Variants in SCHIP1 observed in about 807,000 individuals in gnomAD.
The protein encoded by SCHIP1 is schwannomin-interacting protein 1.
Under a neutral mutation model 29.7 loss-of-function variants are expected in SCHIP1, and 8 were observed. That is an observed-to-expected ratio of 0.27 (90% CI 0.16 to 0.49). The LOEUF (loss-of-function observed/expected upper bound fraction) is 0.49. Among genes scored for constraint, SCHIP1 ranks in the 20% least tolerant of loss-of-function variants. The pLI is 0.99. For synonymous variants in SCHIP1, 76 were observed against 94.9 expected, an observed-to-expected ratio of 0.80 and a Z score of 1.16; for missense variants, 193 against 294.6, an observed-to-expected ratio of 0.66 and a Z score of 2.52.
chr3:159,383,959 C>G, the SCHIP1 span, among the ~76,000 whole-genome samples: 16,875 of 144,182 alleles, frequency 0.12, 1,222 homozygotes, highest in African/African-American at 0.17. Flanking sequence ...CATTGATTTT[C>G]TATCCTGATA....
At chr3:159,342,725 T>C in the SCHIP1 span, among the ~76,000 whole-genome samples, 2 of 152,228 alleles carry the variant, frequency 1.3e-5, no homozygotes, top group Admixed American at 1.3e-4. Flanking sequence ...TTGGCTATAT[T>C]GTTTATTTTA....
chr3:159,335,754 T>G, the SCHIP1 span, among the ~76,000 whole-genome samples: 1 of 152,196 alleles, frequency 6.6e-6, no homozygotes, highest in Non-Finnish European at 1.5e-5. Context: ...TGTTGGAAAT[T>G]TGGGTTGGTT....
chr3:159,820,713 G>A, the SCHIP1 span, among the ~76,000 whole-genome samples: 2 of 152,094 alleles, frequency 1.3e-5, no homozygotes, highest in African/African-American at 4.8e-5. Context: ...TGTTAAATAT[G>A]CAAGTGGAAA....
chr3:159,750,982 C>T, the SCHIP1 span, among the ~76,000 whole-genome samples: 6 of 151,942 alleles, frequency 3.9e-5, no homozygotes, highest in African/African-American at 9.7e-5. Context: ...GATCAATTTC[C>T]CATTAAAAAC....
the SCHIP1 span, among the ~76,000 whole-genome samples, chr3:159,665,546 TTG>T: frequency 0.015 from 2,225 of 146,896 alleles, 49 homozygotes; most frequent in African/African-American, 0.046. Flanking sequence ...GTTTTTGGGG[TTG>T]TGTGTGTGTG....
At chr3:159,832,407 C>T in the SCHIP1 span, among the ~76,000 whole-genome samples, 2 of 152,194 alleles carry the variant, frequency 1.3e-5, no homozygotes, top group Admixed American at 6.5e-5. Context: ...TTTCCTGCTG[C>T]CCACCTAGAC....
At chr3:159,684,587 C>T in the SCHIP1 span, among the ~76,000 whole-genome samples, 2 of 151,900 alleles carry the variant, frequency 1.3e-5, no homozygotes, top group Non-Finnish European at 2.9e-5. Context: ...GGGTGGATCA[C>T]GAGGTCAGGA....
upstream of SCHIP1, among the ~76,000 whole-genome samples, chr3:159,838,486 G>A (rs1490245071): frequency 6.6e-6 from 1 of 152,174 alleles, no homozygotes; most frequent in Non-Finnish European, 1.5e-5. Flanking sequence ...AGGACAGATA[G>A]ATACTAAAAT....
the SCHIP1 span, among the ~76,000 whole-genome samples, chr3:159,624,728 GAGCTA>G: frequency 2.0e-5 from 3 of 152,112 alleles, no homozygotes; most frequent in African/African-American, 7.2e-5. Flanking sequence ...AAGCAATCTT[GAGCTA>G]AGCTAATAAG....
intron 4 of SCHIP1, 107 bp downstream of exon 5, chr3:159,888,012 GT>G: frequency 2.1e-6 from 3 of 1,454,340 alleles, no homozygotes; most frequent in Non-Finnish European, 2.8e-6. Context: ...CTCTAAGGCG[GT>G]TTGTAAAAAG....
At chr3:159,759,800 G>A in the SCHIP1 span, among the ~76,000 whole-genome samples, 1 of 152,168 alleles carries the variant, frequency 6.6e-6, no homozygotes, top group East Asian at 1.9e-4. Context: ...TAAATGCCAC[G>A]ACTTAAGGTT....
chr3:159,476,041 G>A, the SCHIP1 span, among the ~76,000 whole-genome samples: 1 of 152,182 alleles, frequency 6.6e-6, no homozygotes, highest in Non-Finnish European at 1.5e-5. Flanking sequence ...GGCCTGGTTA[G>A]GATGTAGAAG....
chr3:159,764,888 G>C, the SCHIP1 span: 3 of 1,572,564 alleles, frequency 1.9e-6, no homozygotes, highest in Non-Finnish European at 2.6e-6. The surrounding 1 kb of genome is among the most constrained non-coding windows in gnomAD (Gnocchi z 6.1). Flanking sequence ...GTGGTGGCTG[G>C]CCGGCCGAGC....
At chr3:159,483,761 T>A in the SCHIP1 span, among the ~76,000 whole-genome samples, 1 of 152,180 alleles carries the variant, frequency 6.6e-6, no homozygotes, top group Non-Finnish European at 1.5e-5. Flanking sequence ...CATGGCTATA[T>A]ACAGATTTGT....
chr3:159,354,479 A>G, the SCHIP1 span, among the ~76,000 whole-genome samples: 1 of 152,180 alleles, frequency 6.6e-6, no homozygotes, highest in African/African-American at 2.4e-5. Flanking sequence ...AAGTTTCTCA[A>G]TGGTTATTTT....
At chr3:159,708,763 G>GA in the SCHIP1 span, among the ~76,000 whole-genome samples, 1 of 152,212 alleles carries the variant, frequency 6.6e-6, no homozygotes, top group Non-Finnish European at 1.5e-5. Flanking sequence ...AAAAGGCAAT[G>GA]AACCAAGTGA....
chr3:159,709,895 T>G, the SCHIP1 span, among the ~76,000 whole-genome samples: 1 of 152,212 alleles, frequency 6.6e-6, no homozygotes, highest in Non-Finnish European at 1.5e-5. Flanking sequence ...CAATAAAAAT[T>G]GCACACCTTG....
At chr3:159,550,808 C>G in the SCHIP1 span, among the ~76,000 whole-genome samples, 1 of 152,180 alleles carries the variant, frequency 6.6e-6, no homozygotes, top group South Asian at 2.1e-4. Flanking sequence ...AAAACTGCTA[C>G]AACAAAATGG....
the SCHIP1 span, among the ~76,000 whole-genome samples, chr3:159,707,981 C>A: frequency 6.6e-6 from 1 of 152,146 alleles, no homozygotes; most frequent in Admixed American, 6.5e-5. Context: ...TTCTCCCTCC[C>A]ACTTCTTTCT....
Sources: gnomAD v4.1 joint callset for allele counts (sites outside exome capture counted in the v4.1 genomes callset) on GRCh38, gnomAD v4.1.1 for gene constraint, Gnocchi (gnomAD v3.1) non-coding constraint, MANE v1.5 for transcripts, NCBI Gene and HGNC (gene_info 2026-07-23, HGNC 2026-07-21) for gene names.